Variants in RIN3 observed in about 807,000 individuals in gnomAD.
The protein encoded by RIN3 is RAB5 interacting protein 3.
In RIN3, 54 loss-of-function variants were observed where a neutral mutation model predicts 76.3. The observed-to-expected ratio is 0.71, with a 90% CI of 0.57 to 0.89. RIN3 has a LOEUF of 0.89. Among genes scored for constraint, RIN3 ranks in the 40% least tolerant of loss-of-function variants. The pLI is 0.00. For synonymous variants in RIN3, 576 were observed against 564.0 expected (o/e 1.02, Z -0.30); for missense variants, 1,256 against 1,322.1 (o/e 0.95, Z 0.78).
At chr14:92,661,727 A>ACACACACACACC (rs1887888252) in intron 7 of RIN3, among the ~76,000 whole-genome samples, 1 of 122,074 alleles carries the variant, frequency 8.2e-6, no homozygotes, top group African/African-American at 3.0e-5. Flanking sequence ...ACTCTGTCAC[A>ACACACACACACC]CACACACACA....
intron 7 of RIN3, among the ~76,000 whole-genome samples, chr14:92,672,477 G>T (rs570351375): frequency 1.2e-4 from 18 of 152,308 alleles, no homozygotes; most frequent in African/African-American, 4.3e-4. Flanking sequence ...ACTAGTCTCT[G>T]TTACTCACAC....
rs763147625 is a variant in RIN3, at chr14:92,651,938, C to G, written c.889C>G (p.Pro297Ala). 4 of 1,543,466 alleles carry G rather than the reference C, an allele frequency of 2.6e-6. No homozygotes were observed. The highest frequency in any genetic ancestry group is 3.5e-6 in the Non-Finnish European group (4 of 1,139,886). Residue 297 changes from proline to alanine, a missense_variant, in exon 6 of 10, where the codon CCC (proline) becomes GCC (alanine). By Grantham distance (27) the Pro-to-Ala change is conservative. Coordinates refer to ENST00000216487, the MANE Select transcript of RIN3 (RefSeq NM_024832.5). ...CCTGCAGCCCTGCAGCCCAGCCCAG[C>G]CCCCTGTGCTCCCTGCTCTTGCCCC... ...LPLQPCSPAQ[P>A]PVLPALAPAP...
intron 1 of RIN3, among the ~76,000 whole-genome samples, chr14:92,525,219 A>G (rs1217124320): frequency 6.6e-6 from 1 of 152,184 alleles, no homozygotes; most frequent in African/African-American, 2.4e-5. Flanking sequence ...CCTACAGGCT[A>G]CCAAGGACCC....
Position 92,643,232 on chromosome 14 carries a change from T to C in RIN3, c.532+1903T>C, listed in dbSNP as rs2140133074. Among the ~76,000 whole-genome samples, 1 of 152,260 alleles carries C rather than the reference T, an allele frequency of 6.6e-6. No homozygotes were observed. The highest frequency in any genetic ancestry group is 1.9e-4 in the East Asian group (1 of 5,174). On this transcript the variant is annotated intron_variant, in intron 5 of 9. Transcript: ENST00000216487. The surrounding 1 kb of genome is among the most constrained non-coding windows in gnomAD (Gnocchi z 4.8). ...CCACACCTGGCTAATTTTTGTATTTTTAGTAGAGACAGGGTTTCACCATAT... is the reference window on the plus strand; with the variant it reads ...CCACACCTGGCTAATTTTTGTATTTCTAGTAGAGACAGGGTTTCACCATAT...
In RIN3 at chr14:92,545,301, G is replaced by A. The variant is rs575921822; in HGVS notation, c.45-10450G>A. 3.3e-4 allele frequency among the ~76,000 whole-genome samples: 50 copies of A among 151,710 alleles called. 1 individual carries two copies. The South Asian group carries it at 0.01, about 31-fold the overall frequency. ...ATTTTTTTGTATTTTTAATAGAGACGGGGTTTCACCGTGTGAGCCAGGATG... is the reference window on the plus strand; with the variant it reads ...ATTTTTTTGTATTTTTAATAGAGACAGGGTTTCACCGTGTGAGCCAGGATG... On this transcript the variant is annotated intron_variant, in intron 1 of 9. Coordinates refer to ENST00000216487, the MANE Select transcript of RIN3 (RefSeq NM_024832.5).
intron 1 of RIN3, among the ~76,000 whole-genome samples, chr14:92,522,290 C>A (rs1430744545): frequency 6.6e-6 from 1 of 151,562 alleles, no homozygotes; most frequent in African/African-American, 2.4e-5. Context: ...GTTGTGAGAC[C>A]GGTGGGGGGC....
chr14:92,687,956 G>A lies in RIN3; in HGVS notation c.2662G>A (p.Glu888Lys), dbSNP rs1365394537. 3.2e-6 allele frequency: 5 copies of A among 1,553,232 alleles called. No individual in the cohort carries two copies. The highest frequency in any genetic ancestry group is 4.8e-5 in the East Asian group (2 of 41,350). The change falls in exon 10 of 10, where the codon GAG (glutamate) becomes AAG (lysine). Residue 888 changes from glutamate (E) to lysine (K), a missense_variant. Glu to Lys is a moderately conservative substitution (Grantham distance 56). Coordinates refer to ENST00000216487, the MANE Select transcript of RIN3 (RefSeq NM_024832.5). The stretch of plus-strand genomic sequence containing the variant: ...CATCTGCGTGTCGTACCTGGAGCCC[G>A]AGCAGCAGGCGCGGACGCTGGCGTC... The part of the protein sequence containing the change: ...DFICVSYLEP[E>K]QQARTLASRA...
At position 92,673,655 on chromosome 14, in the gene RIN3, G is replaced by A. The variant is rs999189174; in HGVS notation, c.2336-2820G>A. 3.9e-5 allele frequency among the ~76,000 whole-genome samples: 6 copies of A among 152,244 alleles called. No individual in the cohort carries two copies. In the East Asian group the frequency reaches 7.7e-4, roughly 20 times the overall value. On this transcript the variant is annotated intron_variant, in intron 7 of 9. Transcript: ENST00000216487. ...CAAGTAGCTGGGATTACAGGCTTAC[G>A]CCACCACTCCTGGCTAATTTTTGTA...
At chr14:92,651,507 C>CCCCA in intron 5 of RIN3, 75 bp from the exon 6 acceptor site, 1 of 961,326 alleles carries the variant, frequency 1.0e-6, no homozygotes, top group Non-Finnish European at 1.5e-6. Context: ...GGACCCCGCC[C>CCCCA]ACAGACCCCG....
chr14:92,611,298 T>G (rs1885725148), intron 3 of RIN3, among the ~76,000 whole-genome samples: 1 of 152,226 alleles, frequency 6.6e-6, no homozygotes, highest in African/African-American at 2.4e-5. Flanking sequence ...GACCTTCTTT[T>G]TTTTTGGAGA....
At chr14:92,533,086 T>G (rs776764148) in intron 1 of RIN3, among the ~76,000 whole-genome samples, 18 of 152,222 alleles carry the variant, frequency 1.2e-4, no homozygotes, top group Non-Finnish European at 2.1e-4. Flanking sequence ...ACACTCAACA[T>G]GCATATAGTT....
At chr14:92,525,050 T>G (rs1447343309) in intron 1 of RIN3, among the ~76,000 whole-genome samples, 1 of 152,244 alleles carries the variant, frequency 6.6e-6, no homozygotes, top group Admixed American at 6.5e-5. Flanking sequence ...GGTTGTTTAC[T>G]GCTCACGTGT....
intron 4 of RIN3, among the ~76,000 whole-genome samples, chr14:92,635,723 C>T (rs1160375578): frequency 2.0e-5 from 3 of 151,822 alleles, no homozygotes; most frequent in Non-Finnish European, 4.4e-5. Context: ...CATGGTGGTG[C>T]ACACCTGTAG....
Position 92,688,598 on chromosome 14 carries a change from A to C in RIN3, c.*346A>C. ...CATTCCCCATGAGTCCCCCACACCCACCCCATCCTCGGTCTTTGCAAAGAA... is the reference window on the plus strand; with the variant it reads ...CATTCCCCATGAGTCCCCCACACCCCCCCCATCCTCGGTCTTTGCAAAGAA... On this transcript the variant is annotated 3_prime_UTR_variant, in exon 10 of 10. Transcript: ENST00000216487. 3.2e-6 allele frequency: 1 copy of C among 309,686 alleles called. No individual in the cohort carries two copies. Among genetic ancestry groups the C allele is most frequent in the Non-Finnish European group, 6.0e-6 (1 of 167,212 alleles). 19.2% of individuals were successfully genotyped at this position (309,686 alleles called of 1,614,324 possible). A position where few individuals can be genotyped will look rare whatever the true frequency, so the allele number is the denominator to read the frequency against.
intron 2 of RIN3, among the ~76,000 whole-genome samples, chr14:92,569,370 C>T (rs566387320): frequency 6.6e-6 from 1 of 152,158 alleles, no homozygotes; most frequent in Non-Finnish European, 1.5e-5. Context: ...ACCAGAGAGG[C>T]AGGGCCTTGG....
intron 1 of RIN3, among the ~76,000 whole-genome samples, chr14:92,524,659 G>A (rs1374052314): frequency 6.6e-6 from 1 of 152,250 alleles, no homozygotes; most frequent in East Asian, 1.9e-4. Flanking sequence ...ACTGGGCAAG[G>A]CTTCCCCAGC....
intron 4 of RIN3, among the ~76,000 whole-genome samples, chr14:92,629,327 C>T (rs1407612168): frequency 2.6e-5 from 4 of 152,278 alleles, no homozygotes; most frequent in African/African-American, 9.6e-5. Context: ...TTAGACAAAA[C>T]GCACGAGCAA....
chr14:92,536,633 T>C (rs1239212935), intron 1 of RIN3, among the ~76,000 whole-genome samples: 1 of 151,414 alleles, frequency 6.6e-6, no homozygotes, highest in African/African-American at 2.4e-5. Context: ...TCCCAGCTAC[T>C]CAGGAGGCTG....
intron 4 of RIN3, among the ~76,000 whole-genome samples, chr14:92,617,215 G>C (rs1312813477): frequency 6.6e-6 from 1 of 152,048 alleles, no homozygotes; most frequent in Non-Finnish European, 1.5e-5. Context: ...CAGGAGAATT[G>C]CTTGAACCTG....
Sources: allele counts gnomAD v4.1 joint callset (sites outside exome capture counted in the v4.1 genomes callset), GRCh38; gene constraint gnomAD v4.1.1; non-coding constraint Gnocchi (gnomAD v3.1); transcripts MANE v1.5; gene names NCBI Gene and HGNC (gene_info 2026-07-23, HGNC 2026-07-21).